PRKN: variants seen among roughly 807,000 people sequenced by gnomAD.
PRKN encodes E3 ubiquitin-protein ligase parkin.
PRKN carries 56 observed loss-of-function variants against 59.5 expected under a neutral mutation model. That is an observed-to-expected ratio of 0.94 (90% CI 0.76 to 1.18). The LOEUF (loss-of-function observed/expected upper bound fraction) is 1.18, where lower values mean the gene tolerates loss of function less well. Among genes scored for constraint, PRKN ranks in the 50% most tolerant of loss-of-function variants. The pLI is 0.00. For synonymous variants in PRKN, 250 were observed against 222.1 expected (o/e 1.13, Z -1.12); for missense variants, 657 against 596.4 (o/e 1.10, Z -1.06).
At chr6:162,682,363 C>T (rs1386295782) in intron 1 of PRKN, among the ~76,000 whole-genome samples, 1 of 152,180 alleles carries the variant, frequency 6.6e-6, no homozygotes, top group East Asian at 1.9e-4. Context: ...ACCTAGATGC[C>T]CATCAATGGT....
At chr6:161,659,138 T>A (rs974662694) in intron 7 of PRKN, among the ~76,000 whole-genome samples, 3 of 152,210 alleles carry the variant, frequency 2.0e-5, no homozygotes, top group African/African-American at 7.2e-5. Context: ...CACCACATTC[T>A]CAGTTAGGTA....
intron 7 of PRKN, among the ~76,000 whole-genome samples, chr6:161,775,086 G>A (rs1453206019): frequency 6.6e-6 from 1 of 152,098 alleles, no homozygotes; most frequent in Non-Finnish European, 1.5e-5. Context: ...AAACAGACAG[G>A]CAGACACATG....
intron 5 of PRKN, among the ~76,000 whole-genome samples, chr6:161,983,703 C>A (rs867260633): frequency 1.3e-5 from 1 of 79,282 alleles, no homozygotes; most frequent in Non-Finnish European, 2.4e-5. Flanking sequence ...GGGAATTGAA[C>A]AATGAGATCA....
intron 1 of PRKN, among the ~76,000 whole-genome samples, chr6:162,619,406 A>G (rs1782565477): frequency 6.6e-6 from 1 of 151,942 alleles, no homozygotes; most frequent in African/African-American, 2.4e-5. Flanking sequence ...TCGGCCTCCC[A>G]AAGTGCTGGA....
chr6:161,644,330 A>G (rs1055665159), intron 7 of PRKN, among the ~76,000 whole-genome samples: 4 of 152,220 alleles, frequency 2.6e-5, no homozygotes, highest in African/African-American at 9.6e-5. Context: ...AGGCTAGGAA[A>G]TGCATGTCAG....
chr6:161,885,360 T>C (rs2128230558), intron 6 of PRKN, among the ~76,000 whole-genome samples: 1 of 152,202 alleles, frequency 6.6e-6, no homozygotes, highest in South Asian at 2.1e-4. Context: ...ATTTTAGCTG[T>C]CTATTCAACA....
chr6:162,045,716 G>A (rs1172569989), intron 5 of PRKN, among the ~76,000 whole-genome samples: 3 of 152,238 alleles, frequency 2.0e-5, no homozygotes, highest in African/African-American at 7.2e-5. Context: ...GCATGATGAA[G>A]TGCGGGTCCC....
In PRKN at chr6:162,647,048, C is replaced by T. The variant is rs73597956; in HGVS notation, c.7+80614G>A. On this transcript the variant is annotated intron_variant, in intron 1 of 11. Coordinates refer to ENST00000366898, the MANE Select transcript of PRKN (RefSeq NM_004562.3). ...AACAAATTTAACTAGGAAGCTGAAA[C>T]CATACATAAAGATACAAAATAAAGA... 1.6e-3 allele frequency among the ~76,000 whole-genome samples: 246 copies of T among 152,180 alleles called. 2 individuals carry two copies. The highest frequency in any genetic ancestry group is 5.6e-3 in the African/African-American group (231 of 41,546).
intron 7 of PRKN, among the ~76,000 whole-genome samples, chr6:161,727,356 A>T (rs1787486270): frequency 6.6e-6 from 1 of 152,086 alleles, no homozygotes. Context: ...CGGGTCCCCA[A>T]CCTTCCTCCT....
intron 9 of PRKN, among the ~76,000 whole-genome samples, chr6:161,449,735 A>ATGGTGG (rs1789644956): frequency 1.3e-5 from 2 of 152,154 alleles, no homozygotes; most frequent in Non-Finnish European, 2.9e-5. Flanking sequence ...AGTCAGCGAC[A>ATGGTGG]GTGAGGCACT....
Position 162,595,510 on chromosome 6 carries a change from C to G in PRKN, c.7+132152G>C, listed in dbSNP as rs182681409. Among the ~76,000 whole-genome samples the G allele has an allele frequency of 2.5e-4, 38 of 152,166 alleles. 1 individual carries two copies. The East Asian group carries it at 6.6e-3, about 27-fold the overall frequency. On this transcript the variant is annotated intron_variant, in intron 1 of 11. Transcript: ENST00000366898. ...ACCTCAGGTGATCCACCTGCCGCAG[C>G]CTCCCAAAGTGCTGGGATTACAGGC...
chr6:161,959,161 C>G (rs945845113), intron 6 of PRKN, among the ~76,000 whole-genome samples: 3 of 152,106 alleles, frequency 2.0e-5, no homozygotes, highest in Admixed American at 2.0e-4. Context: ...GCCTGTTGCC[C>G]AAGGGCTGTA....
At chr6:161,785,622 C>A (rs1038403452) in intron 7 of PRKN, 150 bp downstream of exon 7, 21 of 797,516 alleles carry the variant, frequency 2.6e-5, no homozygotes, top group Non-Finnish European at 3.8e-5. Context: ...TTATCTTTTG[C>A]GATCCAAACA....
chr6:162,372,072 C>T (rs1006156651), intron 2 of PRKN, among the ~76,000 whole-genome samples: 3 of 152,198 alleles, frequency 2.0e-5, no homozygotes, highest in East Asian at 1.9e-4. Flanking sequence ...CTGGAGTGGA[C>T]GCCATCCTTC....
At chr6:162,605,238 TTAAC>T (rs34046718) in intron 1 of PRKN, among the ~76,000 whole-genome samples, 5,673 of 152,202 alleles carry the variant, frequency 0.037, 153 homozygotes, top group Non-Finnish European at 0.058. Flanking sequence ...ATAGAGAAGA[TTAAC>T]TAACTACTTT....
intron 4 of PRKN, among the ~76,000 whole-genome samples, chr6:162,083,144 G>A (rs527741206): frequency 6.6e-6 from 1 of 151,812 alleles, no homozygotes; most frequent in Non-Finnish European, 1.5e-5. Flanking sequence ...TAATAGAGAC[G>A]GGGTTTTTCC....
chr6:162,202,156 T>C (rs1174140066), intron 3 of PRKN, among the ~76,000 whole-genome samples: 1 of 152,184 alleles, frequency 6.6e-6, no homozygotes, highest in Admixed American at 6.5e-5. Flanking sequence ...CATAAAAGTT[T>C]CTTTGAAATT....
chr6:162,447,793 A>G (rs4708956), intron 1 of PRKN, among the ~76,000 whole-genome samples: 83,993 of 151,922 alleles, frequency 0.55, 24,286 homozygotes, highest in East Asian at 0.71. Flanking sequence ...TGAGAAGAGC[A>G]ATGTCATTCA....
Position 161,503,195 on chromosome 6 carries a change from A to G in PRKN, c.1083+45659T>C, listed in dbSNP as rs145457824. ...ATGGGATCTGGAAGGCCTGGGTGCT[A>G]CTTGTAATACTAGATTGACTAAAAG... On this transcript the variant is annotated intron_variant, in intron 9 of 11. Coordinates refer to ENST00000366898, the MANE Select transcript of PRKN (RefSeq NM_004562.3). This position sits in a 1 kb window ranked among gnomAD's most constrained non-coding sequence, Gnocchi z 5.1. 5.9e-5 allele frequency among the ~76,000 whole-genome samples: 9 copies of G among 152,268 alleles called. No homozygotes were observed. The East Asian group carries it at 1.5e-3, about 26-fold the overall frequency.
Sources: allele counts gnomAD v4.1 joint callset (sites outside exome capture counted in the v4.1 genomes callset), GRCh38; gene constraint gnomAD v4.1.1; non-coding constraint Gnocchi (gnomAD v3.1); transcripts MANE v1.5; gene names NCBI Gene and HGNC (gene_info 2026-07-23, HGNC 2026-07-21).